Variants in ATP2B2 observed in about 807,000 individuals in gnomAD.
The protein encoded by ATP2B2 is plasma membrane calcium-transporting ATPase 2.
ATP2B2 carries 15 observed loss-of-function variants against 120.0 expected under a neutral mutation model. That is an observed-to-expected ratio of 0.12 (90% CI 0.08 to 0.19). The LOEUF (loss-of-function observed/expected upper bound fraction) is 0.19, where lower values mean the gene tolerates loss of function less well. Among genes scored for constraint, ATP2B2 ranks in the 10% least tolerant of loss-of-function variants. The pLI, the probability that ATP2B2 is intolerant of heterozygous loss-of-function variation, is 1.00. For missense variants in ATP2B2, 1,045 were observed against 1,719.8 expected (o/e 0.61, Z 6.94); for synonymous variants, 694 against 700.3 (o/e 0.99, Z 0.14).
chr3:10,578,230 ACAGC>A (rs2068298948), intron 2 of ATP2B2, among the ~76,000 whole-genome samples: 1 of 152,194 alleles, frequency 6.6e-6, no homozygotes, highest in Non-Finnish European at 1.5e-5. Flanking sequence ...GTGAAATGGA[ACAGC>A]CATTTTGGAA....
intron 2 of ATP2B2, among the ~76,000 whole-genome samples, chr3:10,554,740 A>G (rs190743889): frequency 2.5e-4 from 38 of 152,354 alleles, no homozygotes; most frequent in African/African-American, 8.9e-4. Flanking sequence ...AGAAATCTGC[A>G]ATGCCTAAGC....
At chr3:10,424,577 A>G (rs2063089016) in intron 2 of ATP2B2, among the ~76,000 whole-genome samples, 1 of 152,224 alleles carries the variant, frequency 6.6e-6, no homozygotes, top group South Asian at 2.1e-4. Context: ...TAAAAATCTT[A>G]TATTTCAAAA....
At chr3:10,699,324 A>G (rs1022404261) in intron 1 of ATP2B2, among the ~76,000 whole-genome samples, 20 of 152,264 alleles carry the variant, frequency 1.3e-4, no homozygotes, top group African/African-American at 4.8e-4. Context: ...ATAGGTGCCC[A>G]TGAGAAAGGA....
At chr3:10,400,423 C>T (rs1328983086) in intron 5 of ATP2B2, among the ~76,000 whole-genome samples, 1 of 152,240 alleles carries the variant, frequency 6.6e-6, no homozygotes, top group African/African-American at 2.4e-5. Flanking sequence ...TCCTCCTCAT[C>T]ACCCACACTC....
In ATP2B2 at chr3:10,347,516, C is replaced by A. The variant is rs2060463310; in HGVS notation, c.2405-1379G>T. Among the ~76,000 whole-genome samples the A allele has an allele frequency of 6.6e-6, 1 of 152,228 alleles. No individual in the cohort carries two copies. Among genetic ancestry groups the A allele is most frequent in the Non-Finnish European group, 1.5e-5 (1 of 68,024 alleles). The stretch of plus-strand genomic sequence containing the variant: ...GCCCCCAACCTGCTCCCTTGCAGCT[C>A]TACCCTCTTTCAGGCCCAGCTGCAG... On this transcript the variant is annotated intron_variant, in intron 16 of 22. Transcript: ENST00000360273. This position sits in a 1 kb window ranked among gnomAD's most constrained non-coding sequence, Gnocchi z 5.2.
intron 2 of ATP2B2, among the ~76,000 whole-genome samples, chr3:10,574,577 G>A (rs2068201354): frequency 6.6e-6 from 1 of 151,826 alleles, no homozygotes; most frequent in Non-Finnish European, 1.5e-5. Flanking sequence ...GGGCATTTTG[G>A]GTAATTATTA....
intron 2 of ATP2B2, among the ~76,000 whole-genome samples, chr3:10,602,703 AAAC>A (rs2068956682): frequency 6.6e-6 from 1 of 152,242 alleles, no homozygotes; most frequent in Non-Finnish European, 1.5e-5. Context: ...GAACTGATGA[AAAC>A]AAGACTAAAT....
rs184714884 is a variant in ATP2B2, at chr3:10,368,091, T to G, written c.1659+3718A>C. On this transcript the variant is annotated intron_variant, in intron 12 of 22. Coordinates refer to ENST00000360273, the MANE Select transcript of ATP2B2 (RefSeq NM_001001331.4). ...CATGGGGTGACTTGGGACAAATCCCTTCCCATTTCTCAGAGTAAACTGAGG... is the reference window on the plus strand; with the variant it reads ...CATGGGGTGACTTGGGACAAATCCCGTCCCATTTCTCAGAGTAAACTGAGG... 3.9e-5 allele frequency among the ~76,000 whole-genome samples: 6 copies of G among 152,330 alleles called. No individual in the cohort carries two copies. The East Asian group carries it at 1.2e-3, about 29-fold the overall frequency.
intron 3 of ATP2B2, among the ~76,000 whole-genome samples, chr3:10,407,876 C>T (rs541134915): frequency 2.6e-5 from 4 of 152,174 alleles, no homozygotes; most frequent in African/African-American, 9.7e-5. Context: ...AGGGCAAGTG[C>T]TATCATTCAC....
chr3:10,357,061 G>T (rs1012091610), intron 14 of ATP2B2, among the ~76,000 whole-genome samples: 1 of 151,840 alleles, frequency 6.6e-6, no homozygotes. Flanking sequence ...CATTCATTCC[G>T]CAAACACTCA....
At chr3:10,481,884 C>A (rs1270017930) in intron 1 of ATP2B2, among the ~76,000 whole-genome samples, 1 of 152,220 alleles carries the variant, frequency 6.6e-6, no homozygotes, top group Non-Finnish European at 1.5e-5. Context: ...AACACTTACA[C>A]CCACTATGAT....
At chr3:10,474,092 G>T (rs1443569286) in intron 1 of ATP2B2, among the ~76,000 whole-genome samples, 1 of 152,208 alleles carries the variant, frequency 6.6e-6, no homozygotes, top group East Asian at 1.9e-4. Flanking sequence ...TGCCTGCAGG[G>T]GCAGCAGTGG....
intron 2 of ATP2B2, among the ~76,000 whole-genome samples, chr3:10,573,219 T>C (rs902464925): frequency 1.3e-5 from 2 of 151,912 alleles, no homozygotes; most frequent in African/African-American, 4.8e-5. Flanking sequence ...AAAATACATA[T>C]TAAAAGGCCA....
At chr3:10,495,574 G>A (rs895863340) in intron 1 of ATP2B2, among the ~76,000 whole-genome samples, 1 of 152,198 alleles carries the variant, frequency 6.6e-6, no homozygotes, top group Non-Finnish European at 1.5e-5. Context: ...CACTGTAGAC[G>A]TTCCCAGGGC....
intron 5 of ATP2B2, among the ~76,000 whole-genome samples, chr3:10,392,020 C>T (rs917711945): frequency 2.0e-5 from 3 of 152,082 alleles, no homozygotes; most frequent in African/African-American, 2.4e-5. Context: ...ATGCCCTTCT[C>T]CTTGGGTAGC....
intron 2 of ATP2B2, among the ~76,000 whole-genome samples, chr3:10,600,749 C>G (rs2068886969): frequency 6.6e-6 from 1 of 152,196 alleles, no homozygotes; most frequent in Non-Finnish European, 1.5e-5. Flanking sequence ...TGCAACTGTC[C>G]TGAGGGCACC....
intron 3 of ATP2B2, among the ~76,000 whole-genome samples, chr3:10,513,623 CT>C (rs2066819575): frequency 6.6e-6 from 1 of 152,154 alleles, no homozygotes; most frequent in African/African-American, 2.4e-5. Context: ...CTGGGGTGGA[CT>C]CCGAGCCCAG....
At chr3:10,466,998 C>T (rs368262841) in intron 1 of ATP2B2, among the ~76,000 whole-genome samples, 4 of 152,200 alleles carry the variant, frequency 2.6e-5, no homozygotes, top group East Asian at 1.9e-4. Flanking sequence ...CCATTAGCTG[C>T]TCCTGCTCCA....
chr3:10,454,197 A>C (rs781744278), intron 1 of ATP2B2, among the ~76,000 whole-genome samples: 1 of 152,232 alleles, frequency 6.6e-6, no homozygotes, highest in African/African-American at 2.4e-5. Context: ...AGTGATTTCT[A>C]TGACTTGAAG....
Sources: gnomAD v4.1 joint callset for allele counts (sites outside exome capture counted in the v4.1 genomes callset) on GRCh38, gnomAD v4.1.1 for gene constraint, Gnocchi (gnomAD v3.1) non-coding constraint, MANE v1.5 for transcripts, NCBI Gene and HGNC (gene_info 2026-07-23, HGNC 2026-07-21) for gene names.